The following SAV1 variants were observed in gnomAD, a reference collection of about 807,000 sequenced individuals.
The protein encoded by SAV1 is salvador family WW domain containing protein 1, also known as protein salvador homolog 1.
SAV1 carries 23 observed loss-of-function variants against 47.3 expected under a neutral mutation model. That is an observed-to-expected ratio of 0.49 (90% CI 0.35 to 0.69). The LOEUF (loss-of-function observed/expected upper bound fraction) is 0.69, where lower values mean the gene tolerates loss of function less well. Among genes scored for constraint, SAV1 ranks in the 30% least tolerant of loss-of-function variants. SAV1 has a pLI of 0.01. For missense variants in SAV1, 448 were observed against 457.4 expected (o/e 0.98, Z 0.19); for synonymous variants, 155 against 159.2 (o/e 0.97, Z 0.20).
rs530878075 is a variant in SAV1, at chr14:50,643,386, G to A, written c.806+1358C>T. Reference sequence around the variant, plus strand: ...AATCATGGCAGAAGATGAAGGGGAAGCAAGGCACATCTTACGTGGTGGCAG... The same window carrying A: ...AATCATGGCAGAAGATGAAGGGGAAACAAGGCACATCTTACGTGGTGGCAG... On this transcript the variant is annotated intron_variant, in intron 3 of 4. Coordinates refer to ENST00000324679, the MANE Select transcript of SAV1 (RefSeq NM_021818.4). 5.4e-4 allele frequency among the ~76,000 whole-genome samples: 82 copies of A among 152,240 alleles called. 1 individual carries two copies. Among genetic ancestry groups the A allele is most frequent in the Admixed American group, 1.2e-3 (18 of 15,274 alleles).
At chr14:50,654,526 A>G (rs1395934982) in intron 2 of SAV1, among the ~76,000 whole-genome samples, 1 of 152,268 alleles carries the variant, frequency 6.6e-6, no homozygotes, top group Non-Finnish European at 1.5e-5. Flanking sequence ...ATGAGCAATC[A>G]CTGATCACAG....
chr14:50,657,475 C>T (rs2039822793), intron 2 of SAV1, among the ~76,000 whole-genome samples: 2 of 152,162 alleles, frequency 1.3e-5, no homozygotes, highest in East Asian at 3.8e-4. Context: ...CCAGTGGTCA[C>T]ACAACAAGTG....
At chr14:50,635,440 C>T (rs1189785621) in intron 4 of SAV1, 56 bp from the exon 5 acceptor site, 1 of 1,335,766 alleles carries the variant, frequency 7.5e-7, no homozygotes, top group Non-Finnish European at 1.1e-6. Flanking sequence ...ACATGTATTT[C>T]TAGCAAGAAA....
intron 3 of SAV1, among the ~76,000 whole-genome samples, chr14:50,642,517 A>G (rs2039689118): frequency 6.6e-6 from 1 of 151,794 alleles, no homozygotes; most frequent in African/African-American, 2.4e-5. Context: ...GAAAAGAAAA[A>G]CTACCTATCA....
intron 4 of SAV1, among the ~76,000 whole-genome samples, chr14:50,636,900 T>A (rs967767123): frequency 6.6e-6 from 1 of 152,234 alleles, no homozygotes; most frequent in Non-Finnish European, 1.5e-5. Flanking sequence ...AAGCTTTGAT[T>A]GCAAACTCTA....
At chr14:50,643,709 G>A (rs2039699068) in intron 3 of SAV1, among the ~76,000 whole-genome samples, 1 of 152,204 alleles carries the variant, frequency 6.6e-6, no homozygotes, top group South Asian at 2.1e-4. Context: ...AACCTCAGTA[G>A]TTGAATAAAC....
chr14:50,635,364 C>T lies in SAV1; in HGVS notation c.971G>A (p.Trp324Ter). 1 of 1,614,042 alleles carries T rather than the reference C, an allele frequency of 6.2e-7. No homozygotes were observed. Among genetic ancestry groups the T allele is most frequent in the Non-Finnish European group, 8.5e-7 (1 of 1,179,932 alleles). ...APVKYDHILK[W>*]ELFQLADLDT... ...CAGGTCAGCCAGCTGGAAGAGTTCC[C>T]ACTTCAGAATGTGGTCATATCTGTT... The change falls in exon 5 of 5, where the codon TGG (tryptophan) becomes TAG (stop). Residue 324 changes from tryptophan (W) to a stop codon, truncating the protein, a stop_gained. Transcript: ENST00000324679. LOFTEE classifies it high-confidence loss of function.
intron 4 of SAV1, chr14:50,637,893 G>C (rs1027356609): frequency 6.6e-6 from 1 of 152,106 alleles, no homozygotes; most frequent in Non-Finnish European, 1.5e-5. Context: ...GACTGGCATA[G>C]TGCATCACAG....
chr14:50,646,460 C>T (rs1368696945), intron 2 of SAV1, among the ~76,000 whole-genome samples: 4 of 152,056 alleles, frequency 2.6e-5, no homozygotes, highest in South Asian at 2.1e-4. Context: ...CCAAGGTGAG[C>T]GGATCACCTG....
chr14:50,666,594 T>C (rs1320825276), intron 1 of SAV1, among the ~76,000 whole-genome samples: 1 of 152,136 alleles, frequency 6.6e-6, no homozygotes, highest in African/African-American at 2.4e-5. Context: ...TGCTTAACTG[T>C]GACAAACATT....
chr14:50,633,970 A>G lies in SAV1; in HGVS notation c.*1213T>C. 1 of 194,628 alleles carries G rather than the reference A, an allele frequency of 5.1e-6. No homozygotes were observed. The highest frequency in any genetic ancestry group is 8.7e-5 in the South Asian group (1 of 11,468). 12.1% of individuals were successfully genotyped at this position (194,628 alleles called of 1,614,324 possible). A position where few individuals can be genotyped will look rare whatever the true frequency, so the allele number is the denominator to read the frequency against. ...AAAGGGGAGAAAAACTGGGAGGGAA[A>G]TATATGGTGTTAAAGTCCTGTGATA... On this transcript the variant is annotated 3_prime_UTR_variant, in exon 5 of 5. Transcript: ENST00000324679.
chr14:50,655,449 C>T lies in SAV1; in HGVS notation c.535+9730G>A, dbSNP rs11846760. Reference sequence around the variant, plus strand: ...GCTGCCTTTTTTTTTTTTTTTGAGACAGAGTCTAGCCTCGTCCCCCAGGCT... The same window carrying T: ...GCTGCCTTTTTTTTTTTTTTTGAGATAGAGTCTAGCCTCGTCCCCCAGGCT... On this transcript the variant is annotated intron_variant, in intron 2 of 4. Transcript: ENST00000324679. Among the ~76,000 whole-genome samples the T allele has an allele frequency of 8.2e-3, 1,165 of 142,656 alleles. 23 individuals are homozygous for T. The highest frequency in any genetic ancestry group is 0.028 in the African/African-American group (1,084 of 38,092). The allele number at this position is 142,656 out of a possible 152,430, so 93.6% of individuals were successfully genotyped here. A position where few individuals can be genotyped will look rare whatever the true frequency, so the allele number is the denominator to read the frequency against.
chr14:50,655,880 T>C (rs2039808124), intron 2 of SAV1, among the ~76,000 whole-genome samples: 1 of 152,032 alleles, frequency 6.6e-6, no homozygotes, highest in African/African-American at 2.4e-5. Flanking sequence ...ACCCCATCTC[T>C]ACTAAAAATA....
chr14:50,644,599 G>T, intron 3 of SAV1, 145 bp downstream of exon 3: 1 of 703,770 alleles, frequency 1.4e-6, no homozygotes, highest in Non-Finnish European at 2.2e-6. Context: ...CTAAATGTAT[G>T]TCCAGAGAAA....
rs796070125 is a variant in SAV1, at chr14:50,634,402, T to C, written c.*781A>G. On this transcript the variant is annotated 3_prime_UTR_variant, in exon 5 of 5. Transcript: ENST00000324679. Reference sequence around the variant, plus strand: ...TGGCTCTCTCTCTCTCAGGCTGCAGTGCAAGTGGTGCGATCTTGACCCTGC... The same window carrying C: ...TGGCTCTCTCTCTCTCAGGCTGCAGCGCAAGTGGTGCGATCTTGACCCTGC... 12 of 273,206 alleles carry C rather than the reference T, an allele frequency of 4.4e-5. No homozygotes were observed. Among genetic ancestry groups the C allele is most frequent in the South Asian group, 4.2e-4 (12 of 28,514 alleles). The allele number at this position is 273,206 out of a possible 1,614,324, so 16.9% of individuals were successfully genotyped here. A position where few individuals can be genotyped will look rare whatever the true frequency, so the allele number is the denominator to read the frequency against.
chr14:50,648,496 T>C (rs1194510007), intron 2 of SAV1, among the ~76,000 whole-genome samples: 2 of 152,170 alleles, frequency 1.3e-5, no homozygotes, highest in Non-Finnish European at 2.9e-5. Flanking sequence ...ATACTAATAG[T>C]TGGCCGGGTG....
In SAV1 at chr14:50,635,137, A is replaced by G. The variant is rs2039623417; in HGVS notation, c.*46T>C. 6.9e-7 allele frequency: 1 copy of G among 1,449,276 alleles called. No homozygotes were observed. The highest frequency in any genetic ancestry group is 9.6e-7 in the Non-Finnish European group (1 of 1,037,450). 89.8% of individuals were successfully genotyped at this position (1,449,276 alleles called of 1,614,324 possible). On this transcript the variant is annotated 3_prime_UTR_variant, in exon 5 of 5. Coordinates refer to ENST00000324679, the MANE Select transcript of SAV1 (RefSeq NM_021818.4). ...CTTGTTTGCAATTTTTTATCTGTGA[A>G]AATATTTTAAAGCTCTTACAAAACT...
chr14:50,646,997 G>A (rs768659410), intron 2 of SAV1, among the ~76,000 whole-genome samples: 3 of 152,142 alleles, frequency 2.0e-5, no homozygotes, highest in South Asian at 2.1e-4. Context: ...GGGCAATAGC[G>A]GGGAAAGGTT....
chr14:50,638,549 C>A (rs1030871625), intron 4 of SAV1, among the ~76,000 whole-genome samples: 9 of 152,166 alleles, frequency 5.9e-5, no homozygotes, highest in Middle Eastern at 6.8e-3. Flanking sequence ...GCCTAAGTCC[C>A]CTGCACCCAC....
Sources: gnomAD v4.1 joint callset for allele counts (sites outside exome capture counted in the v4.1 genomes callset) on GRCh38, gnomAD v4.1.1 for gene constraint, MANE v1.5 for transcripts, NCBI Gene and HGNC (gene_info 2026-07-23, HGNC 2026-07-21) for gene names.